Variants in PALD1 observed in about 807,000 individuals in gnomAD.
PALD1 encodes the protein phosphatase domain containing paladin 1.
Under a neutral mutation model 96.0 loss-of-function variants are expected in PALD1, and 57 were observed. The observed-to-expected ratio is 0.59, with a 90% CI of 0.48 to 0.74. PALD1 has a LOEUF of 0.74. Ranked by LOEUF, PALD1 falls within the 30% of genes least tolerant of loss-of-function variation. The pLI is 0.00. For missense variants in PALD1, 1,063 were observed against 1,143.7 expected (o/e 0.93, Z 1.02); for synonymous variants, 464 against 473.6 (o/e 0.98, Z 0.26).
At chr10:70,519,509 C>G (rs1846685147) in intron 1 of PALD1, among the ~76,000 whole-genome samples, 1 of 151,932 alleles carries the variant, frequency 6.6e-6, no homozygotes, top group Non-Finnish European at 1.5e-5. Context: ...AATTAATTAC[C>G]CCCTCTCCCC....
intron 5 of PALD1, 40 bp downstream of exon 5, chr10:70,531,494 G>T: frequency 6.4e-7 from 1 of 1,570,728 alleles, no homozygotes; most frequent in East Asian, 2.3e-5. Context: ...CCAGCCCACA[G>T]CCCAGCTTTG....
At position 70,524,117 on chromosome 10, in the gene PALD1, T is replaced by G. The variant is rs193276213; in HGVS notation, c.-29-1806T>G. On this transcript the variant is annotated intron_variant, in intron 1 of 19. Transcript: ENST00000263563. ...GTTGGGAGCAGACAGTCCCTACTGA[T>G]GTGGAGCAGCTTGTGCCTGGTTGAG... 1.3e-4 allele frequency among the ~76,000 whole-genome samples: 20 copies of G among 152,226 alleles called. No homozygotes were observed. The East Asian group carries it at 3.9e-3, about 29-fold the overall frequency.
rs186318735 is a variant in PALD1, at chr10:70,531,875, C to T, written c.633+421C>T. On this transcript the variant is annotated intron_variant, in intron 5 of 19. Coordinates refer to ENST00000263563, the MANE Select transcript of PALD1 (RefSeq NM_014431.3). ...GCGCATGCCTATAATCCTAGCTACT[C>T]GGGAGGCTGAGGCAGGAGAATTGCT... 5.9e-4 allele frequency among the ~76,000 whole-genome samples: 89 copies of T among 151,672 alleles called. No individual in the cohort carries two copies. The East Asian group carries it at 8.0e-3, about 14-fold the overall frequency.
At chr10:70,555,356 A>T (rs1480022891) in intron 18 of PALD1, among the ~76,000 whole-genome samples, 1 of 152,040 alleles carries the variant, frequency 6.6e-6, no homozygotes, top group Non-Finnish European at 1.5e-5. Flanking sequence ...ATTTTATTAG[A>T]CCCATTTGAC....
At chr10:70,547,255 T>C in intron 17 of PALD1, 51 bp from the exon 18 acceptor site, 4 of 1,584,034 alleles carry the variant, frequency 2.5e-6, no homozygotes, top group Non-Finnish European at 3.5e-6. Flanking sequence ...GTGCTTGGGC[T>C]GAGGGCTCTT....
At chr10:70,528,225 T>C (rs1047433911) in intron 2 of PALD1, among the ~76,000 whole-genome samples, 1 of 152,248 alleles carries the variant, frequency 6.6e-6, no homozygotes, top group Admixed American at 6.5e-5. Flanking sequence ...TTCATTGTTA[T>C]CATCAGCACT....
At chr10:70,563,529 ACC>A (rs1178147673) in intron 18 of PALD1, among the ~76,000 whole-genome samples, 1 of 152,082 alleles carries the variant, frequency 6.6e-6, no homozygotes, top group East Asian at 1.9e-4. Context: ...CCTCCCCTGC[ACC>A]CACACATCCT....
At chr10:70,518,876 G>T (rs1277244506) in intron 1 of PALD1, among the ~76,000 whole-genome samples, 1 of 152,190 alleles carries the variant, frequency 6.6e-6, no homozygotes, top group Non-Finnish European at 1.5e-5. Context: ...GACCAACACA[G>T]TGACTGACTA....
At chr10:70,468,050 G>C in the PALD1 span, among the ~76,000 whole-genome samples, 1 of 152,164 alleles carries the variant, frequency 6.6e-6, no homozygotes, top group South Asian at 2.1e-4. Context: ...CAGATGAAGA[G>C]ACTGAGGCTG....
intron 1 of PALD1, among the ~76,000 whole-genome samples, chr10:70,513,356 T>TA (rs1564692041): frequency 1.3e-5 from 2 of 151,724 alleles, no homozygotes; most frequent in Admixed American, 1.3e-4. Flanking sequence ...AATAAATAAT[T>TA]AAAAAATTAG....
rs766045937 is a variant in PALD1 at position 70,514,287 on chromosome 10, GC to G, written c.-29-11630del. ...AGGCTGAAGGCTGGAAGTCAGGGCT[GC>G]CCCCCGCAGTGGCAGCCCCGCCTGC... On this transcript the variant is annotated intron_variant, in intron 1 of 19. Coordinates refer to ENST00000263563, the MANE Select transcript of PALD1 (RefSeq NM_014431.3). 1.2e-4 allele frequency among the ~76,000 whole-genome samples: 18 copies of G among 152,240 alleles called. No individual in the cohort carries two copies. In the South Asian group the frequency reaches 2.9e-3, roughly 25 times the overall value.
At chr10:70,497,860 C>A (rs532849100) in intron 1 of PALD1, among the ~76,000 whole-genome samples, 1 of 152,274 alleles carries the variant, frequency 6.6e-6, no homozygotes, top group East Asian at 1.9e-4. Context: ...TAGGCGGGAG[C>A]CATGTGCCTG....
intron 1 of PALD1, among the ~76,000 whole-genome samples, chr10:70,495,560 G>A (rs1846180589): frequency 6.6e-6 from 1 of 152,158 alleles, no homozygotes; most frequent in African/African-American, 2.4e-5. Flanking sequence ...GTATTGGCTG[G>A]GAGGGGTGTT....
At chr10:70,529,430 C>T (rs1160746238) in intron 3 of PALD1, 99 bp downstream of exon 3, 2 of 657,706 alleles carry the variant, frequency 3.0e-6, no homozygotes, top group Admixed American at 2.2e-5. Flanking sequence ...CCCAACTTTC[C>T]CCGTCTCTCT....
the PALD1 span, among the ~76,000 whole-genome samples, chr10:70,470,765 C>T: frequency 1.1e-4 from 16 of 150,986 alleles, no homozygotes; most frequent in African/African-American, 2.4e-4. Flanking sequence ...CGCACCACCA[C>T]GCCCAGGAAA....
At position 70,538,260 on chromosome 10, in the gene PALD1, C is replaced by T; in HGVS notation, c.1324-20C>T. On this transcript the variant is annotated intron_variant, in intron 11 of 19. Transcript: ENST00000263563. ...GGCCCTGTGCCCCTGAATTCCTCGT[C>T]TCTCTGCCTCGGGCTGCAGTACCCG... The T allele has an allele frequency of 1.3e-6, 2 of 1,599,648 alleles. No homozygotes were observed. Among genetic ancestry groups the T allele is most frequent in the Non-Finnish European group, 8.5e-7 (1 of 1,179,770 alleles).
the PALD1 span, among the ~76,000 whole-genome samples, chr10:70,471,022 G>A: frequency 6.7e-6 from 1 of 149,864 alleles, no homozygotes; most frequent in African/African-American, 2.5e-5. Flanking sequence ...GTTTCACCAT[G>A]TTGGCCAGGC....
At chr10:70,470,868 C>T in the PALD1 span, among the ~76,000 whole-genome samples, 1 of 152,094 alleles carries the variant, frequency 6.6e-6, no homozygotes, top group Non-Finnish European at 1.5e-5. Flanking sequence ...ATGACACGAT[C>T]TCGGCTCACC....
At chr10:70,558,105 C>G (rs1847651455) in intron 18 of PALD1, among the ~76,000 whole-genome samples, 1 of 151,784 alleles carries the variant, frequency 6.6e-6, no homozygotes, top group African/African-American at 2.4e-5. Flanking sequence ...ACCACACCTG[C>G]CTCTTTTTTG....
Sources: allele counts gnomAD v4.1 joint callset (sites outside exome capture counted in the v4.1 genomes callset), GRCh38; gene constraint gnomAD v4.1.1; transcripts MANE v1.5; gene names NCBI Gene and HGNC (gene_info 2026-07-23, HGNC 2026-07-21).